CTNNA2: variants seen among roughly 807,000 people sequenced by gnomAD.
CTNNA2 encodes catenin alpha-2.
In CTNNA2, 42 loss-of-function variants were observed where a neutral mutation model predicts 101.0. The observed-to-expected ratio is 0.42, with a 90% CI of 0.32 to 0.54. CTNNA2 has a LOEUF of 0.54. Ranked by LOEUF, CTNNA2 falls within the 20% of genes least tolerant of loss-of-function variation. The probability of loss-of-function intolerance (pLI) is 0.14; values close to 1 mark genes in which losing one functional copy is unlikely to be tolerated. For missense variants in CTNNA2, 871 were observed against 1,223.1 expected (o/e 0.71, Z 4.29); for synonymous variants, 450 against 456.4 (o/e 0.99, Z 0.18).
chr2:80,549,239 T>G (rs1236815868), intron 11 of CTNNA2, among the ~76,000 whole-genome samples: 9 of 152,242 alleles, frequency 5.9e-5, no homozygotes, highest in Non-Finnish European at 1.2e-4. Flanking sequence ...ACAGTTTAAT[T>G]CTTGGATTTG....
At chr2:80,372,908 T>C (rs1675584638) in intron 7 of CTNNA2, among the ~76,000 whole-genome samples, 1 of 152,230 alleles carries the variant, frequency 6.6e-6, no homozygotes, top group Non-Finnish European at 1.5e-5. Flanking sequence ...CACTGGAATC[T>C]AATTAGCAGA....
chr2:80,357,025 A>T (rs980974303), intron 7 of CTNNA2, among the ~76,000 whole-genome samples: 5 of 152,194 alleles, frequency 3.3e-5, no homozygotes, highest in African/African-American at 1.2e-4. Context: ...AACTTCAGGC[A>T]GGCTAACCAC....
At chr2:80,079,143 C>T (rs1023140466) in intron 7 of CTNNA2, among the ~76,000 whole-genome samples, 24 of 152,202 alleles carry the variant, frequency 1.6e-4, no homozygotes, top group African/African-American at 5.8e-4. Flanking sequence ...CCCCTTACTT[C>T]TCTGCTTTCA....
chr2:80,147,564 G>C (rs557379385), intron 7 of CTNNA2, among the ~76,000 whole-genome samples: 8 of 152,286 alleles, frequency 5.3e-5, no homozygotes, highest in African/African-American at 1.9e-4. Context: ...CCAACAAAAT[G>C]CCCCTTGTAA....
At position 80,512,945 on chromosome 2, in the gene CTNNA2, T is replaced by C. The variant is rs1035216691; in HGVS notation, c.1291-32037T>C. Among the ~76,000 whole-genome samples, 5 of 152,168 alleles carry C rather than the reference T, an allele frequency of 3.3e-5. No individual in the cohort carries two copies. The East Asian group carries it at 9.6e-4, about 29-fold the overall frequency. On this transcript the variant is annotated intron_variant, in intron 9 of 18. Coordinates refer to ENST00000402739, the MANE Select transcript of CTNNA2 (RefSeq NM_001282597.3). ...TTTTTGTCCCTTTGAAAATGAAATATCTATGCTACAACTGATTTCCTCTAT... is the reference window on the plus strand; with the variant it reads ...TTTTTGTCCCTTTGAAAATGAAATACCTATGCTACAACTGATTTCCTCTAT...
At chr2:79,204,847 G>A (rs577787528) in intron 2 of CTNNA2, among the ~76,000 whole-genome samples, 14 of 152,290 alleles carry the variant, frequency 9.2e-5, no homozygotes, top group South Asian at 8.3e-4. Context: ...TCCACAGGCC[G>A]TTTTCATAAT....
At chr2:79,445,064 A>G (rs1678818222) in intron 4 of CTNNA2, among the ~76,000 whole-genome samples, 1 of 152,160 alleles carries the variant, frequency 6.6e-6, no homozygotes, top group Non-Finnish European at 1.5e-5. Flanking sequence ...GGATAAATTC[A>G]TTTTGAGGAT....
At chr2:80,440,763 C>A (rs190131872) in intron 9 of CTNNA2, among the ~76,000 whole-genome samples, 1 of 152,272 alleles carries the variant, frequency 6.6e-6, no homozygotes, top group Admixed American at 6.5e-5. Context: ...TAGGGGGATT[C>A]TTTATCCTGT....
chr2:79,368,344 A>G (rs998152038), intron 3 of CTNNA2, among the ~76,000 whole-genome samples: 1 of 152,018 alleles, frequency 6.6e-6, no homozygotes, highest in Non-Finnish European at 1.5e-5. Context: ...TCCTGGCACA[A>G]TGTTTCTTAC....
intron 7 of CTNNA2, among the ~76,000 whole-genome samples, chr2:79,923,198 A>G (rs539357004): frequency 6.6e-6 from 1 of 152,158 alleles, no homozygotes; most frequent in Non-Finnish European, 1.5e-5. Flanking sequence ...TTTCAAGAAT[A>G]CAGAATTGGC....
chr2:80,609,929 C>G (rs1698323275), intron 17 of CTNNA2, among the ~76,000 whole-genome samples: 2 of 151,600 alleles, frequency 1.3e-5, no homozygotes, highest in African/African-American at 4.8e-5. Context: ...TAGATGTAGT[C>G]CAAACCATCA....
intron 2 of CTNNA2, among the ~76,000 whole-genome samples, chr2:79,660,287 C>A (rs928759073): frequency 2.0e-5 from 3 of 148,098 alleles, no homozygotes; most frequent in African/African-American, 7.4e-5. Context: ...GTATGTGTAT[C>A]CATATGTATA....
chr2:79,759,717 C>G lies in CTNNA2; in HGVS notation c.298+15135C>G, dbSNP rs567032866. Among the ~76,000 whole-genome samples the G allele has an allele frequency of 1.1e-4, 17 of 152,288 alleles. 1 individual carries two copies. The East Asian group carries it at 3.3e-3, about 29-fold the overall frequency. On this transcript the variant is annotated intron_variant, in intron 3 of 18. Coordinates refer to ENST00000402739, the MANE Select transcript of CTNNA2 (RefSeq NM_001282597.3). Reference sequence around the variant, plus strand: ...CTATTTATTAGAATGTCCCAGGGCTCTGAACTGAGCTTTGTTTTCTTCTTT... The same window carrying G: ...CTATTTATTAGAATGTCCCAGGGCTGTGAACTGAGCTTTGTTTTCTTCTTT...
rs1670995396 is a variant in CTNNA2 at position 79,471,258 on chromosome 2, T to C, written c.-134-33796T>C. ...ATTTGAATTGCTGCCATTATATGTG[T>C]CTCAGTCAGTTTGAGATGCTATTAA... On this transcript the variant is annotated intron_variant, in intron 4 of 21. Transcript: ENST00000466387. Among the ~76,000 whole-genome samples the C allele has an allele frequency of 2.0e-5, 3 of 152,158 alleles. No individual in the cohort carries two copies. The South Asian group carries it at 6.2e-4, about 32-fold the overall frequency.
intron 7 of CTNNA2, among the ~76,000 whole-genome samples, chr2:80,053,024 C>G (rs984377870): frequency 6.6e-6 from 1 of 152,146 alleles, no homozygotes; most frequent in Non-Finnish European, 1.5e-5. Context: ...TTTGGTGATG[C>G]ATGAGTAGTA....
intron 3 of CTNNA2, among the ~76,000 whole-genome samples, chr2:79,773,442 C>T (rs1319590292): frequency 2.0e-5 from 3 of 152,092 alleles, no homozygotes; most frequent in Non-Finnish European, 2.9e-5. Flanking sequence ...AATATGGGGA[C>T]AGCTCGAAGC....
At chr2:80,208,062 G>T (rs1218487468) in intron 7 of CTNNA2, among the ~76,000 whole-genome samples, 1 of 152,178 alleles carries the variant, frequency 6.6e-6, no homozygotes, top group Admixed American at 6.5e-5. Flanking sequence ...AGTCAGATGT[G>T]TTTCCAGAAA....
chr2:79,481,786 A>T (rs931265575), intron 4 of CTNNA2, among the ~76,000 whole-genome samples: 16 of 152,198 alleles, frequency 1.1e-4, no homozygotes, highest in African/African-American at 3.9e-4. Context: ...ATAAATAAAT[A>T]GACTTTGAAA....
chr2:80,216,819 A>T (rs147764445), intron 7 of CTNNA2, among the ~76,000 whole-genome samples: 1 of 150,780 alleles, frequency 6.6e-6, no homozygotes, highest in Non-Finnish European at 1.5e-5. Context: ...CCGGGGCCTG[A>T]CTTAGCCTAA....
Sources: allele counts gnomAD v4.1 joint callset (sites outside exome capture counted in the v4.1 genomes callset), GRCh38; gene constraint gnomAD v4.1.1; transcripts MANE v1.5; gene names NCBI Gene and HGNC (gene_info 2026-07-23, HGNC 2026-07-21).